MYH9: variants seen among roughly 807,000 people sequenced by gnomAD.
MYH9 encodes the protein myosin-9.
A neutral mutation model predicts 241.9 loss-of-function variants in MYH9; 29 were observed. That is an observed-to-expected ratio of 0.12 (90% confidence interval 0.09 to 0.16). The LOEUF is 0.16. Among genes scored for constraint, MYH9 ranks in the 10% least tolerant of loss-of-function variants. The pLI, the probability that MYH9 is intolerant of heterozygous loss-of-function variation, is 1.00. For synonymous variants in MYH9, 1,047 were observed against 1,062.6 expected (o/e 0.99, Z 0.29); for missense variants, 1,803 against 2,595.5 (o/e 0.69, Z 6.63).
chr22:36,314,445 CT>C, intron 12 of MYH9, 127 bp from the exon 13 acceptor site: 1 of 1,168,362 alleles, frequency 8.6e-7, no homozygotes, highest in Non-Finnish European at 1.2e-6. Flanking sequence ...ATGCCGCTGC[CT>C]TTAGAGCCCG....
At chr22:36,327,542 C>T (rs1011225571) in intron 3 of MYH9, 54 bp from the exon 4 acceptor site, 5 of 1,609,012 alleles carry the variant, frequency 3.1e-6, no homozygotes, top group Admixed American at 1.7e-5. Context: ...AGCCTCCCCA[C>T]CTTGCTCCCA....
chr22:36,374,648 A>G (rs1267095258), intron 1 of MYH9, among the ~76,000 whole-genome samples: 1 of 152,250 alleles, frequency 6.6e-6, no homozygotes, highest in African/African-American at 2.4e-5. Flanking sequence ...CAGAGGGCGC[A>G]GGCCGCGTTC....
At chr22:36,386,817 C>G in intron 1 of MYH9, among the ~76,000 whole-genome samples, 1 of 152,356 alleles carries the variant, frequency 6.6e-6, no homozygotes, top group East Asian at 1.9e-4. Context: ...GTCTCCTGTG[C>G]GTGGCCCCAG....
At position 36,306,450 on chromosome 22, in the gene MYH9, G is replaced by A. The variant is rs1223803881; in HGVS notation, c.2001C>T (p.Asn667=). Residue 667 remains asparagine, a synonymous_variant, in exon 16 of 41, where the codon AAC becomes AAT. Transcript: ENST00000216181. This position sits in a 1 kb window ranked among gnomAD's most constrained non-coding sequence, Gnocchi z 4.1. ...GGTTGGGGATGATGCAGCGGACAAA[G>A]TTGGGGTTCGTGTTCCTCAGCGTAG... ...LMATLRNTNP[N]FVRCIIPNHE... 1 of 1,614,140 alleles carries A rather than the reference G, an allele frequency of 6.2e-7. No homozygotes were observed. The highest frequency in any genetic ancestry group is 2.2e-5 in the East Asian group (1 of 44,886).
intron 5 of MYH9, among the ~76,000 whole-genome samples, chr22:36,324,643 T>C (rs995691831): frequency 2.0e-5 from 3 of 152,234 alleles, no homozygotes; most frequent in African/African-American, 2.4e-5. Context: ...CCAAACCAAT[T>C]CAAGGGTGTT....
intron 1 of MYH9, among the ~76,000 whole-genome samples, chr22:36,358,502 A>G (rs2017890892): frequency 6.6e-6 from 1 of 152,132 alleles, no homozygotes; most frequent in African/African-American, 2.4e-5. Context: ...TAATAAATAT[A>G]TTTAAACACC....
intron 5 of MYH9, among the ~76,000 whole-genome samples, chr22:36,324,209 C>T (rs2017301276): frequency 6.6e-6 from 1 of 152,244 alleles, no homozygotes; most frequent in South Asian, 2.1e-4. Context: ...CGGGAGCAGC[C>T]ACTTCAGATT....
At chr22:36,303,562 C>A (rs1458044502) in intron 19 of MYH9, among the ~76,000 whole-genome samples, 3 of 151,822 alleles carry the variant, frequency 2.0e-5, no homozygotes, top group African/African-American at 7.3e-5. Context: ...GTGGGCGGAT[C>A]ACTTGAGGTC....
chr22:36,303,877 G>A, intron 19 of MYH9, 118 bp downstream of exon 19: 1 of 1,180,732 alleles, frequency 8.5e-7, no homozygotes, highest in South Asian at 1.4e-5. Context: ...AGAGCCACCT[G>A]GGCCTCCCTG....
intron 3 of MYH9, among the ~76,000 whole-genome samples, chr22:36,334,902 T>G (rs2413398): frequency 0.53 from 80,262 of 152,038 alleles, 23,492 homozygotes; most frequent in Non-Finnish European, 0.66. Context: ...GTTAGGAAGC[T>G]AAAGAGGCAG....
chr22:36,285,169 A>C lies in MYH9; in HGVS notation c.5435T>G (p.Leu1812Arg). The C allele has an allele frequency of 6.2e-7, 1 of 1,614,142 alleles. No individual in the cohort carries two copies. The highest frequency in any genetic ancestry group is 2.2e-5 in the East Asian group (1 of 44,876). ...KSKYKASITA[L>R]EAKIAQLEEQ... Reference sequence around the variant, plus strand: ...CTCCAGCTGTGCAATCTTGGCCTCGAGGGCGGTGATGGAGGCCTTGTACTT... The same window carrying C: ...CTCCAGCTGTGCAATCTTGGCCTCGCGGGCGGTGATGGAGGCCTTGTACTT... The change falls in exon 38 of 41, where the codon CTC becomes CGC. Residue 1812 changes from leucine (L) to arginine (R), a missense_variant. Physicochemically the swap from Leu to Arg is moderately radical, Grantham distance 102. This residue lies in a region of MYH9 where 876 missense variants were observed against 1,077.8 expected (regional missense o/e 0.81). Transcript: ENST00000216181. The surrounding 1 kb of genome is among the most constrained non-coding windows in gnomAD (Gnocchi z 7.0).
intron 1 of MYH9, among the ~76,000 whole-genome samples, chr22:36,372,128 G>T (rs2018099332): frequency 6.6e-6 from 1 of 151,962 alleles, no homozygotes; most frequent in African/African-American, 2.4e-5. Context: ...ACTTCCTGTT[G>T]CTTTCTCTAT....
At chr22:36,296,221 C>T (rs2016785396) in intron 25 of MYH9, among the ~76,000 whole-genome samples, 1 of 152,124 alleles carries the variant, frequency 6.6e-6, no homozygotes, top group Admixed American at 6.6e-5. Context: ...TCTAAAACTA[C>T]TCTAAAAAAT....
Position 36,349,006 on chromosome 22 carries a change from C to G in MYH9, c.231G>C (p.Pro77=), listed in dbSNP as rs540216731. 2.5e-6 allele frequency: 4 copies of G among 1,614,112 alleles called. No individual in the cohort carries two copies. In the African/African-American group the frequency reaches 4.0e-5, roughly 16 times the overall value. The part of the protein sequence containing the change: ...VNKDDIQKMN[P]PKFSKVEDMA... The stretch of plus-strand genomic sequence containing the variant: ...TGTCCTCCACCTTGGAGAACTTGGG[C>G]GGGTTCATCTTCTGGATGTCATCCT... The change falls in exon 2 of 41, where the codon CCG becomes CCC. Residue 77 remains proline (P), a synonymous_variant. Transcript: ENST00000216181.
Position 36,295,831 on chromosome 22 carries a change from A to G in MYH9, c.3273-114T>C, listed in dbSNP as rs2016779577. 3.2e-6 allele frequency: 3 copies of G among 936,198 alleles called. No homozygotes were observed. The highest frequency in any genetic ancestry group is 2.0e-5 in the Admixed American group (1 of 50,304). 58.0% of individuals were successfully genotyped at this position (936,198 alleles called of 1,614,324 possible). A position where few individuals can be genotyped will look rare whatever the true frequency, so the allele number is the denominator to read the frequency against. ...GCCAAAGCTGCCTCCTGTGGTCACA[A>G]TCATGGCACTTAGGATGGCTCTCAG... On this transcript the variant is annotated intron_variant, in intron 25 of 40. Coordinates refer to ENST00000216181, the MANE Select transcript of MYH9 (RefSeq NM_002473.6). The surrounding 1 kb of genome is among the most constrained non-coding windows in gnomAD (Gnocchi z 4.1).
chr22:36,355,034 A>T (rs537776667), intron 1 of MYH9, among the ~76,000 whole-genome samples: 138 of 145,392 alleles, frequency 9.5e-4, no homozygotes, highest in African/African-American at 3.3e-3. Flanking sequence ...GAAAGTCCCG[A>T]GCTCCTGTGG....
rs760568093 is a variant in MYH9 at position 36,322,455 on chromosome 22, C to T, written c.679G>A (p.Val227Met). ...ILEAFGNAKT[V>M]KNDNSSRFGK... ...AAGCGGGAGGAGTTGTCATTCTTCA[C>T]GGTCTTGGCGTTCCCGAAGGCCTCC... Residue 227 changes from valine (V) to methionine (M), a missense_variant, in exon 6 of 41, where the codon GTG becomes ATG. Transcript: ENST00000216181. 6 of 1,613,918 alleles carry T rather than the reference C, an allele frequency of 3.7e-6. No homozygotes were observed. The South Asian group carries it at 4.4e-5, about 12-fold the overall frequency.
chr22:36,383,854 G>A (rs752386816), intron 1 of MYH9, among the ~76,000 whole-genome samples: 1 of 151,880 alleles, frequency 6.6e-6, no homozygotes, highest in Non-Finnish European at 1.5e-5. Context: ...CAGCTATTCG[G>A]GAGGTTGAGG....
chr22:36,344,887 C>G (rs1666967698), intron 2 of MYH9, among the ~76,000 whole-genome samples: 1 of 152,210 alleles, frequency 6.6e-6, no homozygotes, highest in Non-Finnish European at 1.5e-5. Context: ...AAAAGAGACT[C>G]AAGTTAAAAA....
Sources: allele counts gnomAD v4.1 joint callset (sites outside exome capture counted in the v4.1 genomes callset), GRCh38; gene constraint gnomAD v4.1.1; regional missense constraint gnomAD v4.1.1; non-coding constraint Gnocchi (gnomAD v3.1); transcripts MANE v1.5; gene names NCBI Gene and HGNC (gene_info 2026-07-23, HGNC 2026-07-21).